The following CAMTA1 variants were observed in gnomAD, a reference collection of about 807,000 sequenced individuals.
CAMTA1 encodes calmodulin-binding transcription activator 1.
CAMTA1 carries 27 observed loss-of-function variants against 170.9 expected under a neutral mutation model. The ratio of observed to expected loss-of-function variants is 0.16; its 90% CI spans 0.12 to 0.22. The LOEUF is 0.22. Among genes scored for constraint, CAMTA1 ranks in the 10% least tolerant of loss-of-function variants. The pLI is 1.00. For missense variants in CAMTA1, 1,619 were observed against 2,217.2 expected (o/e 0.73, Z 5.42); for synonymous variants, 833 against 891.5 (o/e 0.93, Z 1.17).
At chr1:7,545,930 A>G (rs1321937333) in intron 6 of CAMTA1, among the ~76,000 whole-genome samples, 1 of 148,246 alleles carries the variant, frequency 6.7e-6, no homozygotes, top group Non-Finnish European at 1.5e-5. Context: ...AAGTGAAAAC[A>G]TGTGGTGTTT....
chr1:7,677,459 C>T, intron 10 of CAMTA1, 140 bp from the exon 11 acceptor site: 1 of 974,040 alleles, frequency 1.0e-6, no homozygotes, highest in South Asian at 1.6e-5. Context: ...CTCGAATGAG[C>T]AGGCATAGGC....
intron 5 of CAMTA1, among the ~76,000 whole-genome samples, chr1:7,265,890 T>C (rs1048634895): frequency 6.6e-6 from 1 of 152,176 alleles, no homozygotes; most frequent in Non-Finnish European, 1.5e-5. Flanking sequence ...CTCTGACTCA[T>C]AATGAGAAAC....
intron 5 of CAMTA1, among the ~76,000 whole-genome samples, chr1:7,431,552 G>A (rs961531102): frequency 1.2e-4 from 18 of 152,112 alleles, no homozygotes; most frequent in African/African-American, 4.3e-4. Flanking sequence ...CCACTTGGCA[G>A]ATCGAAGAAG....
At chr1:7,593,668 T>A (rs2095371616) in intron 6 of CAMTA1, among the ~76,000 whole-genome samples, 1 of 151,306 alleles carries the variant, frequency 6.6e-6, no homozygotes, top group Non-Finnish European at 1.5e-5. Flanking sequence ...TGTTGTATTT[T>A]TAGTAAAGAC....
chr1:7,024,921 G>T (rs1701829317), intron 3 of CAMTA1, among the ~76,000 whole-genome samples: 1 of 152,102 alleles, frequency 6.6e-6, no homozygotes, highest in Non-Finnish European at 1.5e-5. Context: ...TAATTCACAG[G>T]TGGTATGTAT....
At position 7,645,793 on chromosome 1, in the gene CAMTA1, C is replaced by T. The variant is rs565769395; in HGVS notation, c.664+5240C>T. 2.2e-4 allele frequency among the ~76,000 whole-genome samples: 33 copies of T among 152,378 alleles called. No individual in the cohort carries two copies. In the South Asian group the frequency reaches 6.4e-3, roughly 30 times the overall value. On this transcript the variant is annotated intron_variant, in intron 7 of 22. Coordinates refer to ENST00000303635, the MANE Select transcript of CAMTA1 (RefSeq NM_015215.4). Reference sequence around the variant, plus strand: ...GGCTGGCTGTGGAATCAGCAGAGCCCCAGGGCCTACGCCCACACCACACAA... The same window carrying T: ...GGCTGGCTGTGGAATCAGCAGAGCCTCAGGGCCTACGCCCACACCACACAA...
At chr1:7,557,198 C>T (rs2094890981) in intron 6 of CAMTA1, among the ~76,000 whole-genome samples, 1 of 151,938 alleles carries the variant, frequency 6.6e-6, no homozygotes, top group South Asian at 2.1e-4. Flanking sequence ...ATCCCAGCTA[C>T]TCGGGAGGCT....
intron 5 of CAMTA1, among the ~76,000 whole-genome samples, chr1:7,303,831 G>A (rs1675166855): frequency 6.6e-6 from 1 of 152,220 alleles, no homozygotes; most frequent in Admixed American, 6.5e-5. Flanking sequence ...AGAGCTGAAG[G>A]GGTCAGGAGC....
intron 16 of CAMTA1, among the ~76,000 whole-genome samples, chr1:7,740,640 G>A (rs185628566): frequency 5.3e-5 from 8 of 152,160 alleles, no homozygotes; most frequent in African/African-American, 1.4e-4. Flanking sequence ...ATGTGGAATC[G>A]GGCACTTGAT....
chr1:7,139,471 C>T (rs899970897), intron 4 of CAMTA1, among the ~76,000 whole-genome samples: 3 of 151,796 alleles, frequency 2.0e-5, no homozygotes, highest in African/African-American at 4.8e-5. Context: ...TGCTTTGCCC[C>T]TCCTCCTTTT....
intron 5 of CAMTA1, among the ~76,000 whole-genome samples, chr1:7,437,673 C>A (rs918365169): frequency 6.6e-6 from 1 of 152,212 alleles, no homozygotes; most frequent in Non-Finnish European, 1.5e-5. Context: ...AGGGAAGAGA[C>A]CCCTCCCCTG....
intron 5 of CAMTA1, among the ~76,000 whole-genome samples, chr1:7,268,510 G>T (rs1026144712): frequency 2.0e-5 from 3 of 152,162 alleles, no homozygotes; most frequent in Non-Finnish European, 2.9e-5. Context: ...ACTAGTCGGT[G>T]TGAAGAGATG....
At chr1:7,475,104 A>ATTAC (rs1557774917) in intron 6 of CAMTA1, among the ~76,000 whole-genome samples, 1 of 152,172 alleles carries the variant, frequency 6.6e-6, no homozygotes, top group African/African-American at 2.4e-5. Flanking sequence ...ACAGGATATC[A>ATTAC]TTTCTTTCTT....
At chr1:7,437,338 C>T (rs955951001) in intron 5 of CAMTA1, among the ~76,000 whole-genome samples, 4 of 152,326 alleles carry the variant, frequency 2.6e-5, no homozygotes, top group African/African-American at 7.2e-5. Context: ...GTCCATTCCT[C>T]CTGAGGGCGG....
At chr1:6,968,137 C>T (rs750825955) in intron 3 of CAMTA1, among the ~76,000 whole-genome samples, 17 of 152,222 alleles carry the variant, frequency 1.1e-4, no homozygotes, top group Non-Finnish European at 1.9e-4. Context: ...ATTCCGTTGG[C>T]CCCTCCCTGC....
At chr1:7,250,701 A>G (rs1036599615) in intron 5 of CAMTA1, among the ~76,000 whole-genome samples, 2 of 152,156 alleles carry the variant, frequency 1.3e-5, no homozygotes, top group African/African-American at 4.8e-5. Flanking sequence ...CCTGTATTAT[A>G]TGACCTCACA....
At position 7,562,535 on chromosome 1, in the gene CAMTA1, G is replaced by A. The variant is rs1048346303; in HGVS notation, c.511-77865G>A. Among the ~76,000 whole-genome samples, 4 of 152,170 alleles carry A rather than the reference G, an allele frequency of 2.6e-5. No individual in the cohort carries two copies. Among genetic ancestry groups the A allele is most frequent in the African/African-American group, 4.8e-5 (2 of 41,438 alleles). ...CGACACCTGTCCTGCTGCTCCCCTT[G>A]ACAGCTACCTGGCCCCTGACAGGCA... On this transcript the variant is annotated intron_variant, in intron 6 of 22. Transcript: ENST00000303635. This position sits in a 1 kb window ranked among gnomAD's most constrained non-coding sequence, Gnocchi z 4.8.
intron 5 of CAMTA1, among the ~76,000 whole-genome samples, chr1:7,444,606 C>G (rs1333632381): frequency 1.3e-5 from 2 of 152,178 alleles, no homozygotes; most frequent in African/African-American, 4.8e-5. Context: ...AGGTCTTGGC[C>G]CTGCTGATGA....
At chr1:7,488,478 TCACA>T (rs1225464972) in intron 6 of CAMTA1, among the ~76,000 whole-genome samples, 1 of 151,876 alleles carries the variant, frequency 6.6e-6, no homozygotes, top group African/African-American at 2.4e-5. Flanking sequence ...GCCCATCCCA[TCACA>T]CACACACAAT....
Sources: gnomAD v4.1 joint callset for allele counts (sites outside exome capture counted in the v4.1 genomes callset) on GRCh38, gnomAD v4.1.1 for gene constraint, Gnocchi (gnomAD v3.1) non-coding constraint, MANE v1.5 for transcripts, NCBI Gene and HGNC (gene_info 2026-07-23, HGNC 2026-07-21) for gene names.